ZFHX3: variants seen among roughly 807,000 people sequenced by gnomAD.
The protein encoded by ZFHX3 is zinc finger homeobox protein 3.
ZFHX3 carries 42 observed loss-of-function variants against 279.1 expected under a neutral mutation model. The observed-to-expected ratio is 0.15, with a 90% CI of 0.12 to 0.19. The LOEUF (loss-of-function observed/expected upper bound fraction) is 0.19, where lower values mean the gene tolerates loss of function less well. ZFHX3 is among the 10% of genes least tolerant of loss of function. ZFHX3 has a pLI of 1.00. For synonymous variants in ZFHX3, 2,293 were observed against 1,957.8 expected, an observed-to-expected ratio of 1.17 and a Z score of -4.52; for missense variants, 4,981 against 4,754.0, an observed-to-expected ratio of 1.05 and a Z score of -1.40.
chr16:73,705,169 T>G (rs1193396868), intron 1 of ZFHX3, among the ~76,000 whole-genome samples: 1 of 152,220 alleles, frequency 6.6e-6, no homozygotes, highest in South Asian at 2.1e-4. Context: ...TTTAATATAA[T>G]TTAATTATAA....
intron 1 of ZFHX3, among the ~76,000 whole-genome samples, chr16:73,728,812 T>TACACACACAC (rs3049676): frequency 3.4e-5 from 5 of 146,040 alleles, no homozygotes; most frequent in African/African-American, 1.3e-4. Context: ...AATAACCCCC[T>TACACACACAC]ACACACACAC....
intron 6 of ZFHX3, among the ~76,000 whole-genome samples, chr16:73,141,409 T>G (rs1198741695): frequency 6.6e-6 from 1 of 152,112 alleles, no homozygotes; most frequent in Non-Finnish European, 1.5e-5. Flanking sequence ...TTTTTTTTTT[T>G]TTTTCAGAGA....
intron 3 of ZFHX3, among the ~76,000 whole-genome samples, chr16:73,368,697 C>T (rs1213218365): frequency 1.3e-5 from 2 of 152,152 alleles, no homozygotes; most frequent in Non-Finnish European, 2.9e-5. Flanking sequence ...CATTTAAATA[C>T]CTATTTCGGT....
intron 7 of ZFHX3, among the ~76,000 whole-genome samples, chr16:73,101,581 T>A (rs183745662): frequency 1.3e-5 from 2 of 151,990 alleles, no homozygotes; most frequent in African/African-American, 4.8e-5. Flanking sequence ...TTTTTATTTT[T>A]AGTAGAGGTG....
At chr16:73,544,642 G>C (rs2020079171) in intron 2 of ZFHX3, among the ~76,000 whole-genome samples, 1 of 152,176 alleles carries the variant, frequency 6.6e-6, no homozygotes, top group South Asian at 2.1e-4. Flanking sequence ...CAGCCAAGGG[G>C]ATGGGGATCT....
At chr16:73,332,434 C>T (rs745833837) in intron 3 of ZFHX3, among the ~76,000 whole-genome samples, 1 of 152,198 alleles carries the variant, frequency 6.6e-6, no homozygotes, top group Non-Finnish European at 1.5e-5. Flanking sequence ...TGTCCACTAG[C>T]TGCACATGTT....
intron 3 of ZFHX3, among the ~76,000 whole-genome samples, chr16:73,453,322 T>A (rs1206948551): frequency 6.6e-6 from 1 of 152,184 alleles, no homozygotes; most frequent in Non-Finnish European, 1.5e-5. Flanking sequence ...TGTGACTGCT[T>A]TGTGTAATTG....
chr16:73,273,838 G>A (rs747249775), intron 4 of ZFHX3, among the ~76,000 whole-genome samples: 1 of 152,106 alleles, frequency 6.6e-6, no homozygotes, highest in African/African-American at 2.4e-5. Flanking sequence ...CTGCTTAGAA[G>A]AATGTATGTA....
intron 1 of ZFHX3, among the ~76,000 whole-genome samples, chr16:72,978,010 G>A (rs539285974): frequency 2.6e-4 from 40 of 152,122 alleles, no homozygotes; most frequent in Middle Eastern, 3.4e-3. Flanking sequence ...GACCACAGGC[G>A]CACACCACCA....
At chr16:73,106,743 T>C (rs1216885764) in intron 7 of ZFHX3, among the ~76,000 whole-genome samples, 4 of 152,268 alleles carry the variant, frequency 2.6e-5, no homozygotes, top group African/African-American at 9.6e-5. Flanking sequence ...CCTTAGAAAG[T>C]TTAAGTAATC....
intron 5 of ZFHX3, among the ~76,000 whole-genome samples, chr16:73,169,427 A>C (rs1967467662): frequency 6.6e-6 from 1 of 152,160 alleles, no homozygotes; most frequent in Non-Finnish European, 1.5e-5. Context: ...TCACGGTATG[A>C]CTTTCACTTC....
rs189894931 is a variant in ZFHX3 at position 73,581,434 on chromosome 16, T to C, written c.-1547+98746A>G. ...TTTTCTTCTGACTCCTTTATTCACA[T>C]TTGAAACCAGATTTGTCATTTGCAG... On this transcript the variant is annotated intron_variant, in intron 2 of 17. Transcript: ENST00000641206. 6.3e-3 allele frequency among the ~76,000 whole-genome samples: 958 copies of C among 151,952 alleles called. 36 individuals carry two copies. Among genetic ancestry groups the C allele is most frequent in the African/African-American group, 0.022 (906 of 41,256 alleles).
At chr16:73,419,207 G>T (rs139595832) in intron 3 of ZFHX3, among the ~76,000 whole-genome samples, 254 of 152,272 alleles carry the variant, frequency 1.7e-3, no homozygotes, top group Non-Finnish European at 2.7e-3. Flanking sequence ...ATTATTGAGT[G>T]ACTTTTATGG....
chr16:73,509,152 A>G (rs2019378833), intron 2 of ZFHX3, among the ~76,000 whole-genome samples: 1 of 152,222 alleles, frequency 6.6e-6, no homozygotes, highest in African/African-American at 2.4e-5. Flanking sequence ...AGTTGATCAC[A>G]ACGGTGACTA....
rs142511733 is a variant in ZFHX3 at position 73,111,642 on chromosome 16, GAA to G, written c.-896-18046_-896-18045del. Among the ~76,000 whole-genome samples the G allele has an allele frequency of 4.3e-3, 623 of 143,400 alleles. 1 individual carries two copies. The highest frequency in any genetic ancestry group is 6.0e-3 in the Non-Finnish European group (408 of 67,606). The allele number at this position is 143,400 out of a possible 152,430, so 94.1% of individuals were successfully genotyped here. A position where few individuals can be genotyped will look rare whatever the true frequency, so the allele number is the denominator to read the frequency against. On this transcript the variant is annotated intron_variant, in intron 7 of 17. Transcript: ENST00000641206. Reference sequence around the variant, plus strand: ...GAAAGAGAGAGAGAAAGAAGAGAGAGAAAGAGAGGAAGGAAGGAAGGAGAGAG... The same window carrying G: ...GAAAGAGAGAGAGAAAGAAGAGAGAGAGAGAGGAAGGAAGGAAGGAGAGAG...
intron 1 of ZFHX3, among the ~76,000 whole-genome samples, chr16:73,718,209 G>A (rs1438894314): frequency 2.0e-5 from 3 of 152,134 alleles, no homozygotes; most frequent in Admixed American, 1.3e-4. Context: ...CCAGGAACTC[G>A]CGACAAGCCT....
intron 3 of ZFHX3, among the ~76,000 whole-genome samples, chr16:73,329,175 T>C (rs113584588): frequency 0.03 from 4,585 of 152,364 alleles, 87 homozygotes; most frequent in Non-Finnish European, 0.043. Context: ...TTTTGATTTC[T>C]AAATGTAAGG....
intron 3 of ZFHX3, among the ~76,000 whole-genome samples, chr16:73,406,634 C>T (rs1160848071): frequency 1.3e-5 from 2 of 152,198 alleles, no homozygotes; most frequent in Non-Finnish European, 2.9e-5. Context: ...ATGGGCACAC[C>T]TAACCCATAT....
chr16:73,273,662 A>G (rs1322793538), intron 4 of ZFHX3, among the ~76,000 whole-genome samples: 1 of 152,170 alleles, frequency 6.6e-6, no homozygotes, highest in Non-Finnish European at 1.5e-5. Context: ...TGTAAAGGCT[A>G]TAGAGTATTC....
Sources: gnomAD v4.1 joint callset for allele counts (sites outside exome capture counted in the v4.1 genomes callset) on GRCh38, gnomAD v4.1.1 for gene constraint, MANE v1.5 for transcripts, NCBI Gene and HGNC (gene_info 2026-07-23, HGNC 2026-07-21) for gene names.